TSNARE1: variants seen among roughly 807,000 people sequenced by gnomAD.
TSNARE1 encodes t-SNARE domain containing 1.
A neutral mutation model predicts 62.0 loss-of-function variants in TSNARE1; 49 were observed. That is an observed-to-expected ratio of 0.79 (90% confidence interval 0.63 to 1.00). The LOEUF (loss-of-function observed/expected upper bound fraction) is 1.00, where lower values mean the gene tolerates loss of function less well. Among genes scored for constraint, TSNARE1 ranks in the 50% least tolerant of loss-of-function variants. The pLI is 0.00. For synonymous variants in TSNARE1, 328 were observed against 294.4 expected (o/e 1.11, Z -1.17); for missense variants, 755 against 700.1 (o/e 1.08, Z -0.88).
chr8:142,318,971 G>A (rs1169583538), intron 6 of TSNARE1, among the ~76,000 whole-genome samples: 3 of 148,592 alleles, frequency 2.0e-5, no homozygotes, highest in Non-Finnish European at 4.5e-5. Context: ...AGCAAGAGAC[G>A]GGGGAGACGG....
intron 1 of TSNARE1, among the ~76,000 whole-genome samples, chr8:142,400,331 A>T (rs549648427): frequency 5.9e-5 from 9 of 152,266 alleles, no homozygotes; most frequent in African/African-American, 1.7e-4. Context: ...CTGTAATCCC[A>T]GCTACTCGGA....
At chr8:142,391,466 T>C (rs190818264) in intron 1 of TSNARE1, among the ~76,000 whole-genome samples, 2 of 152,330 alleles carry the variant, frequency 1.3e-5, no homozygotes, top group Admixed American at 6.5e-5. Flanking sequence ...CGGTCCCCAC[T>C]TGCAACATTG....
chr8:142,257,032 C>T (rs188604176), intron 12 of TSNARE1, among the ~76,000 whole-genome samples: 3 of 152,320 alleles, frequency 2.0e-5, no homozygotes, highest in Non-Finnish European at 4.4e-5. Context: ...CACTTCCAAA[C>T]TGCTTTGTTC....
chr8:142,283,678 ACCAGTGTCTGTCAATGAGCAGAGGCGGGG>A (rs1480055007), intron 11 of TSNARE1, among the ~76,000 whole-genome samples: 30 of 114,240 alleles, frequency 2.6e-4, no homozygotes, highest in African/African-American at 8.6e-4. Context: ...CGGAGGTGGG[ACCAGTGTCTGTCAATGAGCAGAGGCGGGG>A]CCAGTGTCTG....
At chr8:142,243,531 C>T (rs1012642959) in intron 12 of TSNARE1, among the ~76,000 whole-genome samples, 4 of 150,262 alleles carry the variant, frequency 2.7e-5, no homozygotes, top group East Asian at 2.0e-4. Context: ...CTCACTTATA[C>T]GTAAAATCTA....
At chr8:142,369,192 A>G (rs1835760451) in intron 1 of TSNARE1, among the ~76,000 whole-genome samples, 1 of 152,178 alleles carries the variant, frequency 6.6e-6, no homozygotes. Flanking sequence ...AGGAAGCCCA[A>G]CACTGCCGGG....
At chr8:142,349,348 G>T (rs1022006341) in intron 2 of TSNARE1, among the ~76,000 whole-genome samples, 47 of 152,174 alleles carry the variant, frequency 3.1e-4, no homozygotes, top group Admixed American at 2.8e-3. Context: ...TTCAAAATGT[G>T]TGATATTCAA....
upstream of TSNARE1, chr8:142,404,195 G>C (rs979968054): frequency 6.6e-6 from 1 of 152,514 alleles, no homozygotes; most frequent in Non-Finnish European, 1.5e-5. Flanking sequence ...GGAAGGAGGC[G>C]TGCCCTCCCC....
At chr8:142,276,543 CAG>C (rs1820531838) in intron 11 of TSNARE1, 4 of 985,468 alleles carry the variant, frequency 4.1e-6, no homozygotes, top group Non-Finnish European at 4.8e-6. Context: ...CATTTGCCAG[CAG>C]AGACAGGAAG....
In TSNARE1 at chr8:142,291,173, T is replaced by C. The variant is rs1183629208; in HGVS notation, c.1291-6688A>G. Among the ~76,000 whole-genome samples the C allele has an allele frequency of 2.6e-5, 4 of 152,098 alleles. No homozygotes were observed. In the South Asian group the frequency reaches 8.3e-4, roughly 32 times the overall value. On this transcript the variant is annotated intron_variant, in intron 10 of 13. Coordinates refer to ENST00000524325, the MANE Select transcript of TSNARE1 (RefSeq NM_145003.5). The surrounding 1 kb of genome is among the most constrained non-coding windows in gnomAD (Gnocchi z 4.8). ...CGCTGGCTCTTTCCATGCCTGGCTC[T>C]GGACCTGCGGGTGGCCTTGGAGACA...
At chr8:142,289,170 G>GTGAACATCATT (rs1823332206) in intron 10 of TSNARE1, among the ~76,000 whole-genome samples, 2 of 152,206 alleles carry the variant, frequency 1.3e-5, no homozygotes. Flanking sequence ...TCACTGATAA[G>GTGAACATCATT]TGAACATCAT....
intron 1 of TSNARE1, among the ~76,000 whole-genome samples, chr8:142,355,473 C>T (rs1391821982): frequency 6.6e-6 from 1 of 152,312 alleles, no homozygotes; most frequent in East Asian, 1.9e-4. Context: ...ACCCTTGGGG[C>T]ACCGGCCGTC....
chr8:142,377,413 A>T (rs1836424003), intron 1 of TSNARE1, among the ~76,000 whole-genome samples: 2 of 152,252 alleles, frequency 1.3e-5, no homozygotes, highest in African/African-American at 4.8e-5. Context: ...GGCAAAAGAT[A>T]AAGTGACAAC....
At chr8:142,366,326 C>A (rs1239217508) in intron 1 of TSNARE1, among the ~76,000 whole-genome samples, 1 of 151,990 alleles carries the variant, frequency 6.6e-6, no homozygotes, top group East Asian at 1.9e-4. Context: ...GCATGTATAA[C>A]CATGTCACCA....
At chr8:142,305,561 G>A (rs1164055183) in intron 9 of TSNARE1, among the ~76,000 whole-genome samples, 1 of 152,170 alleles carries the variant, frequency 6.6e-6, no homozygotes, top group Non-Finnish European at 1.5e-5. Flanking sequence ...CGGGGGCCTG[G>A]TGCCGCTCTC....
At chr8:142,378,287 C>T (rs1431624566) in intron 1 of TSNARE1, among the ~76,000 whole-genome samples, 1 of 152,216 alleles carries the variant, frequency 6.6e-6, no homozygotes, top group Admixed American at 6.5e-5. Context: ...CAAAGAGAGT[C>T]ATGCTGTGTG....
chr8:142,366,044 CTTTT>C (rs1288241919), intron 1 of TSNARE1: 3 of 365,410 alleles, frequency 8.2e-6, no homozygotes, highest in Admixed American at 8.1e-5. Context: ...TTTCTGATTG[CTTTT>C]TTTTCTTTTT....
chr8:142,291,974 C>T lies in TSNARE1; in HGVS notation c.1291-7489G>A, dbSNP rs1440465280. 2.6e-5 allele frequency among the ~76,000 whole-genome samples: 4 copies of T among 151,862 alleles called. No homozygotes were observed. Among genetic ancestry groups the T allele is most frequent in the Non-Finnish European group, 5.9e-5 (4 of 67,974 alleles). On this transcript the variant is annotated intron_variant, in intron 10 of 13. Coordinates refer to ENST00000524325, the MANE Select transcript of TSNARE1 (RefSeq NM_145003.5). The surrounding 1 kb of genome is among the most constrained non-coding windows in gnomAD (Gnocchi z 4.8). ...ACAGCAACGCACGCCCCCCCCGGCC[C>T]CCCACCTGTTTCAAGCAGAATGTGA...
intron 1 of TSNARE1, among the ~76,000 whole-genome samples, chr8:142,394,932 C>T (rs1252823668): frequency 6.6e-6 from 1 of 152,180 alleles, no homozygotes; most frequent in Non-Finnish European, 1.5e-5. Flanking sequence ...GCCAAGTCTC[C>T]ATAAGGAGAG....
Sources: allele counts gnomAD v4.1 joint callset (sites outside exome capture counted in the v4.1 genomes callset), GRCh38; gene constraint gnomAD v4.1.1; non-coding constraint Gnocchi (gnomAD v3.1); transcripts MANE v1.5; gene names NCBI Gene and HGNC (gene_info 2026-07-23, HGNC 2026-07-21).